Variants in PPP2R2C observed in about 807,000 individuals in gnomAD.
The protein encoded by PPP2R2C is protein phosphatase 2, regulatory subunit B, gamma.
In PPP2R2C, 10 loss-of-function variants were observed where a neutral mutation model predicts 45.3. The observed-to-expected ratio is 0.22, with a 90% CI of 0.14 to 0.37. The LOEUF is 0.37. Among genes scored for constraint, PPP2R2C ranks in the 10% least tolerant of loss-of-function variants. The probability of loss-of-function intolerance (pLI) is 1.00; values close to 1 mark genes in which losing one functional copy is unlikely to be tolerated. For synonymous variants in PPP2R2C, 257 were observed against 245.4 expected (o/e 1.05, Z -0.44); for missense variants, 308 against 619.7 (o/e 0.50, Z 5.34).
At chr4:6,561,345 G>A (rs1725573452) in intron 1 of PPP2R2C, among the ~76,000 whole-genome samples, 1 of 152,196 alleles carries the variant, frequency 6.6e-6, no homozygotes, top group Admixed American at 6.5e-5. Flanking sequence ...GACAGGCGGA[G>A]AGAGAGTGCA....
chr4:6,371,685 G>A (rs549608264), intron 5 of PPP2R2C, among the ~76,000 whole-genome samples: 2 of 152,346 alleles, frequency 1.3e-5, no homozygotes, highest in East Asian at 1.9e-4. Flanking sequence ...TGAGTGCTCT[G>A]TGACTCAGTT....
intron 2 of PPP2R2C, among the ~76,000 whole-genome samples, chr4:6,379,076 T>A (rs1454498917): frequency 6.6e-6 from 1 of 152,090 alleles, no homozygotes; most frequent in African/African-American, 2.4e-5. Context: ...GACTTGCTCC[T>A]GGATTCCACG....
intron 1 of PPP2R2C, among the ~76,000 whole-genome samples, chr4:6,543,135 A>G (rs1217028498): frequency 6.6e-6 from 1 of 152,218 alleles, no homozygotes; most frequent in African/African-American, 2.4e-5. Context: ...TGACTGGGCA[A>G]GCGTGAAGAA....
At chr4:6,383,326 C>T (rs747788927) in intron 1 of PPP2R2C, 19 of 1,285,408 alleles carry the variant, frequency 1.5e-5, no homozygotes, top group Admixed American at 6.9e-5. Context: ...ACCACAGAAT[C>T]GCAGATGCAA....
upstream of PPP2R2C, among the ~76,000 whole-genome samples, chr4:6,476,956 T>C (rs1223696425): frequency 6.6e-6 from 1 of 152,180 alleles, no homozygotes; most frequent in Admixed American, 6.5e-5. Context: ...TCAGCATTCA[T>C]GTGTACACAA....
chr4:6,442,682 C>T (rs997336436), intron 1 of PPP2R2C, among the ~76,000 whole-genome samples: 1 of 152,212 alleles, frequency 6.6e-6, no homozygotes, highest in Non-Finnish European at 1.5e-5. Flanking sequence ...AGTTCCAACA[C>T]CCCTAGGGTG....
intron 1 of PPP2R2C, among the ~76,000 whole-genome samples, chr4:6,394,007 A>G (rs575563708): frequency 3.7e-4 from 57 of 152,272 alleles, no homozygotes; most frequent in African/African-American, 1.3e-3. Flanking sequence ...AGACCGAGAG[A>G]AGATCACATG....
chr4:6,484,465 G>C (rs1722468163), intron 2 of PPP2R2C, among the ~76,000 whole-genome samples: 1 of 151,296 alleles, frequency 6.6e-6, no homozygotes. Flanking sequence ...GGCTATCCTA[G>C]GTCCTTTGTA....
Position 6,329,404 on chromosome 4 carries a change from G to T in PPP2R2C, c.961-51C>A. The T allele has an allele frequency of 6.7e-7, 1 of 1,502,266 alleles. No individual in the cohort carries two copies. The highest frequency in any genetic ancestry group is 1.4e-5 in the African/African-American group (1 of 72,772). The allele number at this position is 1,502,266 out of a possible 1,614,324, so 93.1% of individuals were successfully genotyped here. ...TGGACGGGGCGTCCCGACCATCCTG[G>T]CCCTTCCACAAGAAGGGTCTCAAAG... On this transcript the variant is annotated intron_variant, in intron 7 of 8. Transcript: ENST00000382599. This position sits in a 1 kb window ranked among gnomAD's most constrained non-coding sequence, Gnocchi z 5.8.
In PPP2R2C at chr4:6,368,738, G is replaced by A. The variant is rs546618491; in HGVS notation, c.625+3785C>T. ...TCCACCGCCTCCCACCCGTGGCCAC[G>A]CTCTGGCCCTGCCTCTCACTCTCTC... is the stretch of plus-strand genomic sequence containing the variant. On this transcript the variant is annotated intron_variant, in intron 5 of 8. Coordinates refer to ENST00000382599, the MANE Select transcript of PPP2R2C (RefSeq NM_020416.4). The surrounding 1 kb of genome is among the most constrained non-coding windows in gnomAD (Gnocchi z 4.2). Among the ~76,000 whole-genome samples, 331 of 152,084 alleles carry A rather than the reference G, an allele frequency of 2.2e-3. 2 individuals are homozygous for A. Among genetic ancestry groups the A allele is most frequent in the African/African-American group, 7.7e-3 (318 of 41,460 alleles).
At chr4:6,410,530 G>A (rs985790005) in intron 1 of PPP2R2C, among the ~76,000 whole-genome samples, 1 of 152,158 alleles carries the variant, frequency 6.6e-6, no homozygotes, top group Non-Finnish European at 1.5e-5. Context: ...AAAAAGATGG[G>A]GATGGGCAGA....
At chr4:6,525,819 T>A (rs1724179272) in intron 2 of PPP2R2C, among the ~76,000 whole-genome samples, 1 of 152,132 alleles carries the variant, frequency 6.6e-6, no homozygotes, top group Admixed American at 6.6e-5. Context: ...TTCTCCCGCC[T>A]CAGCCTCCCG....
intron 1 of PPP2R2C, among the ~76,000 whole-genome samples, chr4:6,425,974 C>T (rs1432457291): frequency 2.6e-5 from 4 of 152,198 alleles, no homozygotes; most frequent in South Asian, 2.1e-4. Flanking sequence ...CCATCAGTAC[C>T]GGGCCAGGGC....
At chr4:6,507,405 GA>G (rs1311527259) in intron 2 of PPP2R2C, among the ~76,000 whole-genome samples, 1 of 152,244 alleles carries the variant, frequency 6.6e-6, no homozygotes, top group East Asian at 1.9e-4. Context: ...AATAGGAAGA[GA>G]TGGAAGTTAC....
chr4:6,491,111 A>G (rs945987600), intron 2 of PPP2R2C, among the ~76,000 whole-genome samples: 3 of 152,058 alleles, frequency 2.0e-5, no homozygotes, highest in Non-Finnish European at 4.4e-5. Flanking sequence ...CCCCCACTGT[A>G]ATGTCATCTC....
intron 5 of PPP2R2C, chr4:6,349,104 C>T (rs759950715): frequency 9.6e-5 from 95 of 985,276 alleles, no homozygotes; most frequent in Non-Finnish European, 1.1e-4. Flanking sequence ...CTGGCACCCC[C>T]GAGCTTCTCT....
chr4:6,507,242 C>A (rs1723268117), intron 2 of PPP2R2C, among the ~76,000 whole-genome samples: 2 of 152,192 alleles, frequency 1.3e-5, no homozygotes, highest in Admixed American at 6.5e-5. Context: ...AAGGATGAGG[C>A]CTGAGCCTCA....
chr4:6,411,345 G>C (rs910831373), intron 1 of PPP2R2C, among the ~76,000 whole-genome samples: 2 of 152,070 alleles, frequency 1.3e-5, no homozygotes, highest in African/African-American at 4.8e-5. Flanking sequence ...TCACAGGGCT[G>C]GAATGAATAC....
chr4:6,524,896 C>A (rs1047843183), intron 2 of PPP2R2C, among the ~76,000 whole-genome samples: 10 of 151,862 alleles, frequency 6.6e-5, no homozygotes, highest in Non-Finnish European at 1.5e-5. Context: ...TGAGAGCAGC[C>A]TGGGCAACAT....
Sources: allele counts gnomAD v4.1 joint callset (sites outside exome capture counted in the v4.1 genomes callset), GRCh38; gene constraint gnomAD v4.1.1; non-coding constraint Gnocchi (gnomAD v3.1); transcripts MANE v1.5; gene names NCBI Gene and HGNC (gene_info 2026-07-23, HGNC 2026-07-21).